The following ZNF804A variants were observed in gnomAD, a reference collection of about 807,000 sequenced individuals.
ZNF804A encodes zinc finger protein 804A.
ZNF804A carries 2 observed loss-of-function variants against 16.5 expected under a neutral mutation model. That is an observed-to-expected ratio of 0.12 (90% confidence interval 0.05 to 0.38). ZNF804A has a LOEUF of 0.38. ZNF804A is among the 10% of genes least tolerant of loss of function. ZNF804A has a pLI of 0.99. For missense variants in ZNF804A, 1,473 were observed against 1,390.7 expected (o/e 1.06, Z -0.94); for synonymous variants, 534 against 489.6 (o/e 1.09, Z -1.20).
chr2:184,770,975 G>A (rs769463289), intron 1 of ZNF804A, among the ~76,000 whole-genome samples: 3 of 151,966 alleles, frequency 2.0e-5, no homozygotes, highest in Admixed American at 2.0e-4. Flanking sequence ...AATATTCAGA[G>A]CAACATAACT....
intron 1 of ZNF804A, among the ~76,000 whole-genome samples, chr2:184,603,852 T>G (rs1691088931): frequency 6.6e-6 from 1 of 152,194 alleles, no homozygotes; most frequent in Non-Finnish European, 1.5e-5. Context: ...GAACTTAAGG[T>G]GTCATATATT....
intron 1 of ZNF804A, among the ~76,000 whole-genome samples, chr2:184,823,401 TAGA>T (rs1339038046): frequency 2.6e-5 from 4 of 152,124 alleles, no homozygotes; most frequent in Non-Finnish European, 5.9e-5. Flanking sequence ...ATAGCGATCA[TAGA>T]AGTTCTCTGA....
intron 1 of ZNF804A, among the ~76,000 whole-genome samples, chr2:184,856,561 A>G (rs1011565761): frequency 6.6e-6 from 1 of 152,090 alleles, no homozygotes; most frequent in African/African-American, 2.4e-5. Context: ...ACGTATGTGT[A>G]AGTATAAGAA....
chr2:184,808,742 G>C (rs1694848841), intron 1 of ZNF804A, among the ~76,000 whole-genome samples: 1 of 151,402 alleles, frequency 6.6e-6, no homozygotes, highest in Non-Finnish European at 1.5e-5. Flanking sequence ...GAATCCAGAG[G>C]TAAAAACAGA....
intron 1 of ZNF804A, among the ~76,000 whole-genome samples, chr2:184,672,074 C>G (rs1384399627): frequency 6.6e-6 from 1 of 152,122 alleles, no homozygotes; most frequent in Non-Finnish European, 1.5e-5. Context: ...GTCAAACTTT[C>G]AAATTATCTA....
At chr2:184,830,564 T>C (rs1695247359) in intron 1 of ZNF804A, among the ~76,000 whole-genome samples, 1 of 152,136 alleles carries the variant, frequency 6.6e-6, no homozygotes, top group Non-Finnish European at 1.5e-5. Context: ...AAGGAATTTG[T>C]GTAAAGCAAT....
chr2:184,766,731 A>G (rs763326512), intron 1 of ZNF804A, among the ~76,000 whole-genome samples: 2 of 152,108 alleles, frequency 1.3e-5, no homozygotes, highest in Non-Finnish European at 2.9e-5. Context: ...ATATTTATAC[A>G]TTCATATTGT....
At chr2:184,726,758 G>T (rs1693418824) in intron 1 of ZNF804A, among the ~76,000 whole-genome samples, 1 of 151,282 alleles carries the variant, frequency 6.6e-6, no homozygotes, top group South Asian at 2.1e-4. Flanking sequence ...AAATACTTTT[G>T]TAAAAATACA....
At chr2:184,659,991 G>C (rs1245929823) in intron 1 of ZNF804A, among the ~76,000 whole-genome samples, 1 of 152,122 alleles carries the variant, frequency 6.6e-6, no homozygotes, top group Non-Finnish European at 1.5e-5. Flanking sequence ...TGTACCCGTA[G>C]TTCCACCTAC....
chr2:184,663,615 A>G (rs887206437), intron 1 of ZNF804A, among the ~76,000 whole-genome samples: 1 of 152,078 alleles, frequency 6.6e-6, no homozygotes, highest in East Asian at 1.9e-4. Context: ...GCCGGAAGCA[A>G]TGGGGGCCAG....
chr2:184,731,251 CAAAAAAAAAAAAAAAAA>C lies in ZNF804A; in HGVS notation c.111+132194_111+132210del, dbSNP rs563068533. Among the ~76,000 whole-genome samples the C allele has an allele frequency of 2.6e-4, 12 of 45,300 alleles. No homozygotes were observed. In the East Asian group the frequency reaches 3.6e-3, roughly 13 times the overall value. 29.7% of individuals were successfully genotyped at this position (45,300 alleles called of 152,430 possible). A position where few individuals can be genotyped will look rare whatever the true frequency, so the allele number is the denominator to read the frequency against. ...GGACAACAAGAGCTAGGCTCCGTCGCAAAAAAAAAAAAAAAAAAAAAAAAAAAAAGGAAAAAAGAAAA... is the reference window on the plus strand; with the variant it reads ...GGACAACAAGAGCTAGGCTCCGTCGCAAAAAAAAAAAAGGAAAAAAGAAAA... On this transcript the variant is annotated intron_variant, in intron 1 of 3. Transcript: ENST00000302277.
intron 1 of ZNF804A, among the ~76,000 whole-genome samples, chr2:184,791,086 C>G (rs1300405532): frequency 6.6e-6 from 1 of 152,090 alleles, no homozygotes; most frequent in Non-Finnish European, 1.5e-5. Flanking sequence ...AGGTGGGTCT[C>G]TTGTGGACAG....
At position 184,875,153 on chromosome 2, in the gene ZNF804A, A is replaced by G. The variant is rs570525248; in HGVS notation, c.255+8641A>G. 3.9e-5 allele frequency among the ~76,000 whole-genome samples: 6 copies of G among 152,348 alleles called. No individual in the cohort carries two copies. The South Asian group carries it at 1.2e-3, about 32-fold the overall frequency. ...TTTAAAAAGATGGAAGTCTAAAGGC[A>G]ATGGCCTAGTTAATGTGACTCTTCA... On this transcript the variant is annotated intron_variant, in intron 2 of 3. Transcript: ENST00000302277.
intron 1 of ZNF804A, among the ~76,000 whole-genome samples, chr2:184,700,604 T>C (rs952042689): frequency 3.9e-5 from 6 of 152,056 alleles, no homozygotes; most frequent in South Asian, 2.1e-4. Flanking sequence ...TGTAAATTCA[T>C]TGGAAGACAA....
intron 1 of ZNF804A, among the ~76,000 whole-genome samples, chr2:184,640,426 A>G (rs1270898439): frequency 6.6e-6 from 1 of 152,140 alleles, no homozygotes; most frequent in Non-Finnish European, 1.5e-5. Context: ...TTTTACAAAC[A>G]AATAGTACCA....
At chr2:184,651,599 GAAAC>G (rs1204071616) in intron 1 of ZNF804A, among the ~76,000 whole-genome samples, 1 of 151,624 alleles carries the variant, frequency 6.6e-6, no homozygotes, top group Non-Finnish European at 1.5e-5. Flanking sequence ...TAATAAGCAA[GAAAC>G]AAACAACTTT....
intron 1 of ZNF804A, among the ~76,000 whole-genome samples, chr2:184,755,237 G>A (rs1187335327): frequency 1.3e-5 from 2 of 151,910 alleles, no homozygotes; most frequent in Non-Finnish European, 2.9e-5. Flanking sequence ...GAGCGTGTTT[G>A]ATGGTGACCT....
At chr2:184,719,160 C>A (rs953195035) in intron 1 of ZNF804A, among the ~76,000 whole-genome samples, 2 of 152,190 alleles carry the variant, frequency 1.3e-5, no homozygotes, top group African/African-American at 2.4e-5. Flanking sequence ...GGGGATTACA[C>A]CCTGAAGCAA....
At chr2:184,735,228 C>A (rs895209596) in intron 1 of ZNF804A, among the ~76,000 whole-genome samples, 3 of 151,798 alleles carry the variant, frequency 2.0e-5, no homozygotes, top group Admixed American at 6.6e-5. Context: ...AAAAATAATT[C>A]TTTCCTTTTC....
Sources: gnomAD v4.1 joint callset for allele counts (sites outside exome capture counted in the v4.1 genomes callset) on GRCh38, gnomAD v4.1.1 for gene constraint, MANE v1.5 for transcripts, NCBI Gene and HGNC (gene_info 2026-07-23, HGNC 2026-07-21) for gene names.